PACRG: variants seen among roughly 807,000 people sequenced by gnomAD.
The protein encoded by PACRG is parkin coregulated.
A neutral mutation model predicts 29.7 loss-of-function variants in PACRG; 29 were observed. The ratio of observed to expected loss-of-function variants is 0.98; its 90% confidence interval spans 0.73 to 1.33. PACRG has a LOEUF of 1.33. PACRG is among the 40% of genes most tolerant of loss of function. The pLI, the probability that PACRG is intolerant of heterozygous loss-of-function variation, is 0.00. For missense variants in PACRG, 279 were observed against 316.2 expected, an observed-to-expected ratio of 0.88 and a Z score of 0.89; for synonymous variants, 116 against 118.7, an observed-to-expected ratio of 0.98 and a Z score of 0.15.
chr6:162,809,506 T>C (rs998021033), intron 1 of PACRG, among the ~76,000 whole-genome samples: 6 of 152,192 alleles, frequency 3.9e-5, no homozygotes, highest in African/African-American at 1.4e-4. Context: ...AAGGAAGAAG[T>C]ATAAGTTATC....
intron 1 of PACRG, among the ~76,000 whole-genome samples, chr6:162,748,695 C>A (rs976453659): frequency 1.3e-5 from 2 of 152,074 alleles, no homozygotes; most frequent in Non-Finnish European, 2.9e-5. Context: ...AATCCCTGAC[C>A]GCAGCCTACT....
intron 4 of PACRG, among the ~76,000 whole-genome samples, chr6:163,296,356 C>T (rs1232747965): frequency 3.3e-5 from 5 of 152,128 alleles, no homozygotes; most frequent in African/African-American, 1.2e-4. Context: ...AGTGCAGTAG[C>T]ACAATCTCGG....
intron 4 of PACRG, among the ~76,000 whole-genome samples, chr6:163,271,857 A>C (rs2128180388): frequency 6.6e-6 from 1 of 152,330 alleles, no homozygotes; most frequent in South Asian, 2.1e-4. Flanking sequence ...AAATTAACTT[A>C]AGTAGAATTG....
intron 4 of PACRG, among the ~76,000 whole-genome samples, chr6:163,131,758 C>A (rs1481737742): frequency 1.3e-5 from 2 of 152,080 alleles, no homozygotes; most frequent in African/African-American, 4.8e-5. Context: ...AAGACGTGAG[C>A]GTGCTATTAG....
chr6:162,956,386 C>T (rs962930810), intron 2 of PACRG, among the ~76,000 whole-genome samples: 5 of 152,162 alleles, frequency 3.3e-5, no homozygotes, highest in East Asian at 1.9e-4. Flanking sequence ...AGCTTCACCA[C>T]GATCAGCAGC....
intron 4 of PACRG, among the ~76,000 whole-genome samples, chr6:163,133,151 T>C (rs535888462): frequency 6.6e-6 from 1 of 152,306 alleles, no homozygotes; most frequent in African/African-American, 2.4e-5. Context: ...TGTAGGGACA[T>C]GTGGCCTCAT....
At chr6:163,098,679 C>T (rs561115761) in intron 4 of PACRG, among the ~76,000 whole-genome samples, 1 of 152,160 alleles carries the variant, frequency 6.6e-6, no homozygotes, top group South Asian at 2.1e-4. Flanking sequence ...CAGGGCAAGT[C>T]CATAAAGTAA....
intron 4 of PACRG, chr6:163,090,304 C>T (rs144092454): frequency 6.6e-6 from 1 of 152,278 alleles, no homozygotes; most frequent in African/African-American, 2.4e-5. Context: ...ATAGACTATT[C>T]AGGAAATCAT....
chr6:162,930,979 G>A (rs951056922), intron 2 of PACRG, among the ~76,000 whole-genome samples: 1 of 151,764 alleles, frequency 6.6e-6, no homozygotes, highest in Non-Finnish European at 1.5e-5. Flanking sequence ...CAGTTTGCTA[G>A]TATTTTGTTG....
At chr6:163,161,813 G>A (rs1778567925) in intron 4 of PACRG, among the ~76,000 whole-genome samples, 1 of 152,182 alleles carries the variant, frequency 6.6e-6, no homozygotes, top group African/African-American at 2.4e-5. Context: ...GCACCCAATA[G>A]CATTACTAAA....
chr6:163,279,542 T>G (rs1784157894), intron 4 of PACRG, among the ~76,000 whole-genome samples: 1 of 152,240 alleles, frequency 6.6e-6, no homozygotes, highest in African/African-American at 2.4e-5. Context: ...AGCTCTTTCC[T>G]GAGTGCTGTC....
chr6:163,072,425 C>T (rs1257778353), intron 3 of PACRG, among the ~76,000 whole-genome samples: 1 of 151,960 alleles, frequency 6.6e-6, no homozygotes, highest in African/African-American at 2.4e-5. Flanking sequence ...GATGAAAACC[C>T]CTCAAAAAAC....
intron 2 of PACRG, among the ~76,000 whole-genome samples, chr6:163,034,077 G>A (rs1274715625): frequency 6.6e-6 from 1 of 152,172 alleles, no homozygotes; most frequent in Non-Finnish European, 1.5e-5. Flanking sequence ...TGCACAGAGA[G>A]AGAAACAGCG....
At chr6:162,813,770 C>T (rs1787084717) in intron 1 of PACRG, among the ~76,000 whole-genome samples, 1 of 151,940 alleles carries the variant, frequency 6.6e-6, no homozygotes, top group Non-Finnish European at 1.5e-5. Context: ...GTATATCAGA[C>T]CCAAGATTAG....
At chr6:163,083,985 C>G (rs1813311628) in intron 3 of PACRG, among the ~76,000 whole-genome samples, 2 of 151,980 alleles carry the variant, frequency 1.3e-5, no homozygotes, top group Admixed American at 1.3e-4. Context: ...AGATAAATAA[C>G]TTTTACCACC....
chr6:162,741,254 G>C (rs1366121987), intron 1 of PACRG, among the ~76,000 whole-genome samples: 1 of 152,142 alleles, frequency 6.6e-6, no homozygotes, highest in African/African-American at 2.4e-5. Context: ...GTGTGTTATT[G>C]CTAGGGTAGT....
At chr6:163,261,373 G>T (rs1411039429) in intron 4 of PACRG, among the ~76,000 whole-genome samples, 1 of 151,936 alleles carries the variant, frequency 6.6e-6, no homozygotes, top group Non-Finnish European at 1.5e-5. Context: ...TTTAAACCCC[G>T]CATGCATTAG....
intron 2 of PACRG, among the ~76,000 whole-genome samples, chr6:162,926,661 G>A (rs1199806524): frequency 6.6e-6 from 1 of 152,008 alleles, no homozygotes; most frequent in African/African-American, 2.4e-5. Flanking sequence ...AACTCAAGAT[G>A]GATTAAAGAC....
chr6:162,808,677 T>C (rs983651262), intron 1 of PACRG, among the ~76,000 whole-genome samples: 3 of 152,174 alleles, frequency 2.0e-5, no homozygotes, highest in Non-Finnish European at 2.9e-5. Context: ...CCCAAGTGCA[T>C]TGGATTTTAT....
Sources: gnomAD v4.1 joint callset for allele counts (sites outside exome capture counted in the v4.1 genomes callset) on GRCh38, gnomAD v4.1.1 for gene constraint, MANE v1.5 for transcripts, NCBI Gene and HGNC (gene_info 2026-07-23, HGNC 2026-07-21) for gene names.